Variants in SYNPO2 observed in about 807,000 individuals in gnomAD.
The protein encoded by SYNPO2 is synaptopodin-2.
In SYNPO2, 56 loss-of-function variants were observed where a neutral mutation model predicts 85.0. The observed-to-expected ratio is 0.66, with a 90% CI of 0.53 to 0.82. SYNPO2 has a LOEUF of 0.82. SYNPO2 is among the 40% of genes least tolerant of loss of function. SYNPO2 has a pLI of 0.00. For missense variants in SYNPO2, 1,575 were observed against 1,534.2 expected (o/e 1.03, Z -0.44); for synonymous variants, 602 against 591.1 (o/e 1.02, Z -0.27).
chr4:119,058,076 C>CTGTG lies in SYNPO2; in HGVS notation c.*160_*163dup, dbSNP rs35036907. 1.1e-5 allele frequency: 6 copies of CTGTG among 565,664 alleles called. No homozygotes were observed. Among genetic ancestry groups the CTGTG allele is most frequent in the Non-Finnish European group, 1.2e-5 (4 of 328,814 alleles). 35.0% of individuals were successfully genotyped at this position (565,664 alleles called of 1,614,324 possible). ...AAGTCATTTATCTAAGTTTGTGTTT[C>CTGTG]TGTGTGTGTGTGTGTGTGTGTATGT... On this transcript the variant is annotated 3_prime_UTR_variant, in exon 5 of 5. Coordinates refer to ENST00000307142, the MANE Select transcript of SYNPO2 (RefSeq NM_133477.3).
chr4:118,957,380 C>A (rs1022473174), intron 1 of SYNPO2, among the ~76,000 whole-genome samples: 1 of 152,144 alleles, frequency 6.6e-6, no homozygotes, highest in Non-Finnish European at 1.5e-5. Flanking sequence ...GGTCTTTGGC[C>A]AGTATGACCT....
chr4:119,005,169 G>C (rs143969872), intron 1 of SYNPO2, among the ~76,000 whole-genome samples: 2,623 of 152,158 alleles, frequency 0.017, 69 homozygotes, highest in African/African-American at 0.06. Flanking sequence ...TTCTCCCATT[G>C]TGTAGGTTGC....
chr4:118,963,378 T>C (rs1030966625), intron 1 of SYNPO2, among the ~76,000 whole-genome samples: 1 of 152,254 alleles, frequency 6.6e-6, no homozygotes, highest in African/African-American at 2.4e-5. Flanking sequence ...GACTTACTGA[T>C]CTGTATTATT....
intron 1 of SYNPO2, among the ~76,000 whole-genome samples, chr4:118,978,106 C>T (rs574451796): frequency 1.3e-5 from 2 of 152,272 alleles, no homozygotes; most frequent in African/African-American, 2.4e-5. Flanking sequence ...TCCTTGAAAA[C>T]GTCAATGGCT....
intron 1 of SYNPO2, among the ~76,000 whole-genome samples, chr4:118,991,789 C>T (rs532103711): frequency 1.4e-4 from 22 of 152,188 alleles, no homozygotes; most frequent in African/African-American, 4.6e-4. Context: ...ATCAAAGAAT[C>T]AATGGGTAAG....
chr4:118,927,760 T>TG (rs1560874387), intron 1 of SYNPO2, among the ~76,000 whole-genome samples: 3,648 of 117,894 alleles, frequency 0.031, 104 homozygotes, highest in African/African-American at 0.036. Flanking sequence ...GATAGATAGA[T>TG]ATATAGATAG....
At chr4:118,930,730 C>G (rs996980337) in intron 1 of SYNPO2, among the ~76,000 whole-genome samples, 1 of 122,194 alleles carries the variant, frequency 8.2e-6, no homozygotes, top group Non-Finnish European at 1.7e-5. Flanking sequence ...GCCTGGGGAA[C>G]ATAGGAAGAC....
rs184525152 is a variant in SYNPO2 at position 118,881,622 on chromosome 4, C to G, written c.12+30682C>G. The stretch of plus-strand genomic sequence containing the variant: ...AGAGTTGCTGGGGAGCGTCCCCTTA[C>G]GACTGCGAGCCTCTGTGGCAGAACT... On this transcript the variant is annotated intron_variant, in intron 1 of 4. Transcript: ENST00000610556. Among the ~76,000 whole-genome samples the G allele has an allele frequency of 3.7e-3, 569 of 152,344 alleles. 6 individuals carry two copies. Among genetic ancestry groups the G allele is most frequent in the Non-Finnish European group, 5.3e-3 (363 of 68,034 alleles).
At chr4:119,038,134 C>T in intron 4 of SYNPO2, 1 of 985,306 alleles carries the variant, frequency 1.0e-6, no homozygotes, top group African/African-American at 1.7e-5. Context: ...TACAGTACCA[C>T]ATGGTTTCCA....
intron 1 of SYNPO2, among the ~76,000 whole-genome samples, chr4:118,941,059 A>G (rs1264695818): frequency 6.6e-6 from 1 of 152,166 alleles, no homozygotes; most frequent in Non-Finnish European, 1.5e-5. Flanking sequence ...CCAGAGCAGC[A>G]CATCCAACTG....
At chr4:118,871,247 C>T (rs759972660) in intron 1 of SYNPO2, among the ~76,000 whole-genome samples, 9 of 152,006 alleles carry the variant, frequency 5.9e-5, no homozygotes, top group Non-Finnish European at 8.8e-5. Context: ...CCCACACCTT[C>T]GTATCTTTAT....
At chr4:118,893,065 T>A (rs567693538) in intron 1 of SYNPO2, among the ~76,000 whole-genome samples, 6 of 152,302 alleles carry the variant, frequency 3.9e-5, no homozygotes, top group African/African-American at 1.2e-4. Context: ...ATATGTATAC[T>A]TGAGAATAAA....
chr4:118,907,664 C>A (rs1235307826), intron 1 of SYNPO2, among the ~76,000 whole-genome samples: 1 of 151,976 alleles, frequency 6.6e-6, no homozygotes, highest in Non-Finnish European at 1.5e-5. Flanking sequence ...TACTGTAAAC[C>A]CCTAAAATAA....
At chr4:118,858,800 A>G (rs1004493687) in intron 1 of SYNPO2, among the ~76,000 whole-genome samples, 1 of 152,236 alleles carries the variant, frequency 6.6e-6, no homozygotes, top group Non-Finnish European at 1.5e-5. Flanking sequence ...TGCATCTGAG[A>G]CAAAGGTTAT....
intron 4 of SYNPO2, among the ~76,000 whole-genome samples, chr4:119,051,491 G>A (rs533962952): frequency 2.0e-5 from 3 of 152,146 alleles, no homozygotes; most frequent in East Asian, 1.9e-4. Flanking sequence ...GCGCCCGGCC[G>A]GGAAGCAATG....
At position 119,051,583 on chromosome 4, in the gene SYNPO2, T is replaced by C. The variant is rs62328676; in HGVS notation, c.3253-5818T>C. Among the ~76,000 whole-genome samples, 213 of 152,304 alleles carry C rather than the reference T, an allele frequency of 1.4e-3. 3 individuals are homozygous for C. Among genetic ancestry groups the C allele is most frequent in the Admixed American group, 3.7e-3 (57 of 15,302 alleles). ...ATGCTCTGGAAACAAGTAACCCCTC[T>C]TCTCTAGAGAGAAGACTCAGTGAGG... On this transcript the variant is annotated intron_variant, in intron 4 of 4. Coordinates refer to ENST00000307142, the MANE Select transcript of SYNPO2 (RefSeq NM_133477.3).
In SYNPO2 at chr4:119,026,725, A is replaced by C. The variant is rs1350901636; in HGVS notation, c.356A>C (p.Gln119Pro). 6.2e-7 allele frequency: 1 copy of C among 1,614,104 alleles called. No individual in the cohort carries two copies. The highest frequency in any genetic ancestry group is 8.5e-7 in the Non-Finnish European group (1 of 1,180,040). ...HGGYVESTTL[Q>P]IRPATKTQCT... ...GGTTATGTGGAAAGTACCACCCTGC[A>C]GATTCGACCGGCCACAAAGACCCAG... is the stretch of plus-strand genomic sequence containing the variant. Residue 119 changes from glutamine to proline, a missense_variant, in exon 3 of 5, where the codon CAG (glutamine) becomes CCG (proline). This residue lies in a region of SYNPO2 where 1,508 missense variants were observed against 1,446.8 expected (regional missense o/e 1.04). Transcript: ENST00000307142.
intron 4 of SYNPO2, among the ~76,000 whole-genome samples, chr4:119,045,074 C>CT (rs1738834572): frequency 1.3e-5 from 2 of 152,114 alleles, no homozygotes; most frequent in Admixed American, 1.3e-4. Context: ...CTTAAGAATC[C>CT]TTGTTGTTAA....
chr4:118,979,180 T>C (rs1230957711), intron 1 of SYNPO2, among the ~76,000 whole-genome samples: 1 of 152,198 alleles, frequency 6.6e-6, no homozygotes, highest in Non-Finnish European at 1.5e-5. Context: ...CTGACCTTCC[T>C]GTCCAGACTT....
Sources: gnomAD v4.1 joint callset for allele counts (sites outside exome capture counted in the v4.1 genomes callset) on GRCh38, gnomAD v4.1.1 for gene constraint, gnomAD v4.1.1 regional missense constraint, MANE v1.5 for transcripts, NCBI Gene and HGNC (gene_info 2026-07-23, HGNC 2026-07-21) for gene names.